Variants in GNAT3 observed in about 807,000 individuals in gnomAD.
The protein encoded by GNAT3 is G protein subunit alpha transducin 3, also known as guanine nucleotide-binding protein G(t) subunit alpha-3.
Under a neutral mutation model 37.7 loss-of-function variants are expected in GNAT3, and 31 were observed. That is an observed-to-expected ratio of 0.82 (90% CI 0.62 to 1.11). The LOEUF (loss-of-function observed/expected upper bound fraction) is 1.11. Among genes scored for constraint, GNAT3 ranks in the 50% most tolerant of loss-of-function variants. GNAT3 has a pLI of 0.00. For missense variants in GNAT3, 437 were observed against 412.5 expected (o/e 1.06, Z -0.51); for synonymous variants, 138 against 139.8 (o/e 0.99, Z 0.09).
At chr7:80,497,538 A>ATATACACATATACG (rs1292195062) in intron 1 of GNAT3, among the ~76,000 whole-genome samples, 3 of 132,746 alleles carry the variant, frequency 2.3e-5, no homozygotes, top group South Asian at 2.5e-4. Context: ...CTCTCTATAT[A>ATATACACATATACG]TATACACATA....
chr7:80,504,976 C>T (rs777589111), intron 1 of GNAT3, among the ~76,000 whole-genome samples: 7 of 152,062 alleles, frequency 4.6e-5, no homozygotes, highest in Non-Finnish European at 8.8e-5. Context: ...ATGTGTCAGC[C>T]AGGAGACTGA....
chr7:80,504,497 A>G (rs1330029451), intron 1 of GNAT3, among the ~76,000 whole-genome samples: 3 of 152,340 alleles, frequency 2.0e-5, no homozygotes, highest in African/African-American at 7.2e-5. Flanking sequence ...GAAGTATTTC[A>G]ATATAAAAAC....
At position 80,459,973 on chromosome 7, in the gene GNAT3, C is replaced by T. The variant is rs528801257; in HGVS notation, c.875-1112G>A. ...TAGTCTTACCATACAATCCAGCAAT[C>T]ACACTTCTAGGCATTTACCTAGAAA... On this transcript the variant is annotated intron_variant, in intron 7 of 7. Coordinates refer to ENST00000398291, the MANE Select transcript of GNAT3 (RefSeq NM_001102386.3). Among the ~76,000 whole-genome samples, 10 of 152,310 alleles carry T rather than the reference C, an allele frequency of 6.6e-5. No individual in the cohort carries two copies. The South Asian group carries it at 1.9e-3, about 28-fold the overall frequency.
At chr7:80,464,467 T>C (rs889709090) in intron 5 of GNAT3, among the ~76,000 whole-genome samples, 4 of 152,070 alleles carry the variant, frequency 2.6e-5, no homozygotes, top group African/African-American at 7.2e-5. Flanking sequence ...ACATGAGAAA[T>C]GTAGATTTCA....
chr7:80,462,014 AT>A lies in GNAT3; in HGVS notation c.874+144del, dbSNP rs975444360. The stretch of plus-strand genomic sequence containing the variant: ...GAGAGGGTTCTTCTTTATTTGTAAG[AT>A]TTTTTTTCCAGTTTGGATCATAAAG... On this transcript the variant is annotated intron_variant, in intron 7 of 7. Coordinates refer to ENST00000398291, the MANE Select transcript of GNAT3 (RefSeq NM_001102386.3). The A allele has an allele frequency of 3.0e-5, 18 of 608,628 alleles. No homozygotes were observed. In the African/African-American group the frequency reaches 3.3e-4, roughly 11 times the overall value. 37.7% of individuals were successfully genotyped at this position (608,628 alleles called of 1,614,324 possible).
At chr7:80,504,061 A>C (rs1397405221) in intron 1 of GNAT3, among the ~76,000 whole-genome samples, 1 of 152,218 alleles carries the variant, frequency 6.6e-6, no homozygotes, top group African/African-American at 2.4e-5. Context: ...CATGCCTGTA[A>C]TTCCAGCACT....
At chr7:80,465,034 C>T (rs560929279) in intron 5 of GNAT3, among the ~76,000 whole-genome samples, 77 of 152,080 alleles carry the variant, frequency 5.1e-4, no homozygotes, top group African/African-American at 5.5e-4. Flanking sequence ...TTTGACTTTA[C>T]GGTTATATTA....
intron 3 of GNAT3, among the ~76,000 whole-genome samples, chr7:80,482,638 C>T (rs1350220601): frequency 6.6e-6 from 1 of 151,476 alleles, no homozygotes; most frequent in Admixed American, 6.6e-5. Context: ...CTCAGCCTCC[C>T]AAGTAGCTGA....
At chr7:80,463,391 T>C (rs1375160119) in intron 5 of GNAT3, among the ~76,000 whole-genome samples, 1 of 152,074 alleles carries the variant, frequency 6.6e-6, no homozygotes, top group African/African-American at 2.4e-5. Context: ...GTTAGGTTGA[T>C]ATCAAAGGAG....
At chr7:80,501,015 G>A (rs1279599271) in intron 1 of GNAT3, among the ~76,000 whole-genome samples, 1 of 151,728 alleles carries the variant, frequency 6.6e-6, no homozygotes, top group African/African-American at 2.4e-5. Flanking sequence ...GTCAAATTTT[G>A]TTGTCAAAGT....
intron 1 of GNAT3, among the ~76,000 whole-genome samples, chr7:80,497,600 A>G (rs373726409): frequency 0.078 from 7,560 of 97,268 alleles, 193 homozygotes; most frequent in Middle Eastern, 0.13. Context: ...ATACGTATAT[A>G]CATATACGTA....
At chr7:80,480,506 G>A (rs549420255) in intron 3 of GNAT3, among the ~76,000 whole-genome samples, 3 of 152,160 alleles carry the variant, frequency 2.0e-5, no homozygotes, top group Admixed American at 6.5e-5. Context: ...AATTCAGGAC[G>A]AGTCCATAGG....
intron 5 of GNAT3, among the ~76,000 whole-genome samples, chr7:80,467,922 G>A (rs926314938): frequency 2.0e-5 from 3 of 151,748 alleles, no homozygotes; most frequent in Non-Finnish European, 4.4e-5. Context: ...TTTGTGTGGG[G>A]TTTTTTGGTC....
chr7:80,486,920 T>C (rs1219940729), intron 3 of GNAT3, among the ~76,000 whole-genome samples: 1 of 152,086 alleles, frequency 6.6e-6, no homozygotes, highest in Non-Finnish European at 1.5e-5. Context: ...CCGTATTGCA[T>C]CTACAAATTT....
At chr7:80,474,489 A>T (rs975422975) in intron 4 of GNAT3, 110 bp from the exon 5 acceptor site, 4 of 395,308 alleles carry the variant, frequency 1.0e-5, no homozygotes, top group East Asian at 4.2e-5. Context: ...ATATATATAT[A>T]TTTTTAACTT....
rs869278537 is a variant in GNAT3 at position 80,493,806 on chromosome 7, TTCC to T, written c.161+796_161+798del. On this transcript the variant is annotated intron_variant, in intron 2 of 7. Transcript: ENST00000398291. ...TCCACCTCTTTCCTCCTCCTCCTCT[TTCC>T]TCCTCCTCCTCTTTCCTCCTCCTCC... Among the ~76,000 whole-genome samples the T allele has an allele frequency of 3.2e-3, 266 of 83,666 alleles. 9 individuals carry two copies. The highest frequency in any genetic ancestry group is 4.0e-3 in the Non-Finnish European group (154 of 38,172). 54.9% of individuals were successfully genotyped at this position (83,666 alleles called of 152,430 possible).
In GNAT3 at chr7:80,500,213, C is replaced by T. The variant is rs183678177; in HGVS notation, c.119-5566G>A. 3.2e-3 allele frequency among the ~76,000 whole-genome samples: 475 copies of T among 146,314 alleles called. 2 individuals are homozygous for T. The highest frequency in any genetic ancestry group is 0.012 in the African/African-American group (442 of 36,844). ...AATAAGTAATTTTCTTAATAAAGAC[C>T]ATGATTAGTTTGCCTCCTTTTTTTT... is the stretch of plus-strand genomic sequence containing the variant. On this transcript the variant is annotated intron_variant, in intron 1 of 7. Coordinates refer to ENST00000398291, the MANE Select transcript of GNAT3 (RefSeq NM_001102386.3).
chr7:80,485,368 A>T (rs926177946), intron 3 of GNAT3, among the ~76,000 whole-genome samples: 1 of 152,130 alleles, frequency 6.6e-6, no homozygotes, highest in Admixed American at 6.6e-5. Flanking sequence ...CACATTTGTA[A>T]TTGCTTACAT....
rs759860687 is a variant in GNAT3 at position 80,458,772 on chromosome 7, G to A, written c.964C>T (p.His322Tyr). 5 of 1,597,354 alleles carry A rather than the reference G, an allele frequency of 3.1e-6. No homozygotes were observed. Among genetic ancestry groups the A allele is most frequent in the South Asian group, 2.3e-5 (2 of 88,252 alleles). ...TGGGTGTCAGTAGCACAGGTCATGT[G>A]GGAATAAATTTCCTTATCTTCTTTT... ...LKKEDKEIYS[H>Y]MTCATDTQNV... is the part of the protein sequence containing the mutation. Residue 322 changes from histidine to tyrosine, a missense_variant, in exon 8 of 8, where the codon CAC becomes TAC. Transcript: ENST00000398291.
Sources: gnomAD v4.1 joint callset for allele counts (sites outside exome capture counted in the v4.1 genomes callset) on GRCh38, gnomAD v4.1.1 for gene constraint, MANE v1.5 for transcripts, NCBI Gene and HGNC (gene_info 2026-07-23, HGNC 2026-07-21) for gene names.